The following TYW1 variants were observed in gnomAD, a reference collection of about 807,000 sequenced individuals.
TYW1 encodes the protein tRNA-yW synthesizing protein 1 homolog.
TYW1 carries 46 observed loss-of-function variants against 96.2 expected under a neutral mutation model. The ratio of observed to expected loss-of-function variants is 0.48; its 90% CI spans 0.38 to 0.61. The LOEUF (loss-of-function observed/expected upper bound fraction) is 0.61, where lower values mean the gene tolerates loss of function less well. Ranked by LOEUF, TYW1 falls within the 20% of genes least tolerant of loss-of-function variation. The probability of loss-of-function intolerance (pLI) is 0.00; values close to 1 mark genes in which losing one functional copy is unlikely to be tolerated. For synonymous variants in TYW1, 274 were observed against 323.0 expected, an observed-to-expected ratio of 0.85 and a Z score of 1.63; for missense variants, 684 against 909.6, an observed-to-expected ratio of 0.75 and a Z score of 3.19.
chr7:67,137,918 C>A (rs34021613), intron 13 of TYW1, among the ~76,000 whole-genome samples: 4 of 152,302 alleles, frequency 2.6e-5, no homozygotes, highest in Admixed American at 6.5e-5. Flanking sequence ...GAGGCCCACA[C>A]TCTCACACCA....
At chr7:67,148,565 A>AC (rs1798683918) in intron 13 of TYW1, among the ~76,000 whole-genome samples, 1 of 151,168 alleles carries the variant, frequency 6.6e-6, no homozygotes, top group East Asian at 2.0e-4. Context: ...AGCTGGGACT[A>AC]CAGGCGCCTG....
rs763535799 is a variant in TYW1, at chr7:67,195,204, G to T, written c.1844G>T (p.Ser615Ile). 12 of 1,613,942 alleles carry T rather than the reference G, an allele frequency of 7.4e-6. No individual in the cohort carries two copies. The highest frequency in any genetic ancestry group is 1.0e-5 in the Non-Finnish European group (12 of 1,179,988). The stretch of plus-strand genomic sequence containing the variant: ...TACTGCGGAGAAAGTTCAGCAAGCA[G>T]TCTTACCATGGCCCACGTGCCCTGG... ...VTYCGESSASSLTMAHVPWHE... is the reference protein window; with the variant it reads ...VTYCGESSASILTMAHVPWHE... Residue 615 changes from serine to isoleucine, a missense_variant, in exon 15 of 16, where the codon AGT (serine) becomes ATT (isoleucine). By Grantham distance (142) the Ser-to-Ile change is moderately radical (BLOSUM62 -2). Transcript: ENST00000359626.
rs561743826 is a variant in TYW1 at position 67,035,270 on chromosome 7, C to T, written c.984+10248C>T. ...AGTAGCTGGGATTACAGGTGCATGC[C>T]ACCATGCACAACTAATTTGTATTTT... On this transcript the variant is annotated intron_variant, in intron 7 of 15. Transcript: ENST00000359626. 9.9e-5 allele frequency among the ~76,000 whole-genome samples: 15 copies of T among 152,146 alleles called. No homozygotes were observed. The East Asian group carries it at 2.3e-3, about 23-fold the overall frequency.
intron 11 of TYW1, among the ~76,000 whole-genome samples, chr7:67,092,805 C>T (rs969156670): frequency 1.3e-4 from 20 of 150,894 alleles, no homozygotes; most frequent in Admixed American, 8.0e-4. Context: ...GGCTCAGCCT[C>T]CCGAATAGCT....
At chr7:67,089,943 G>A (rs1397694204) in intron 11 of TYW1, among the ~76,000 whole-genome samples, 1 of 152,098 alleles carries the variant, frequency 6.6e-6, no homozygotes, top group Non-Finnish European at 1.5e-5. Flanking sequence ...TGGGGCTGAG[G>A]TTTCTTTAGC....
intron 15 of TYW1, among the ~76,000 whole-genome samples, chr7:67,213,706 G>A (rs7791848): frequency 0.15 from 23,272 of 152,212 alleles, 1,933 homozygotes; most frequent in African/African-American, 0.2. Flanking sequence ...AGTTAGATCT[G>A]TATCTAGATT....
intron 15 of TYW1, among the ~76,000 whole-genome samples, chr7:67,232,416 T>TG (rs1801776177): frequency 1.3e-5 from 2 of 151,776 alleles, no homozygotes; most frequent in South Asian, 4.2e-4. Flanking sequence ...GGTGCACACC[T>TG]GTAATCCCAG....
At chr7:67,122,116 A>G (rs187062416) in intron 13 of TYW1, among the ~76,000 whole-genome samples, 1 of 152,114 alleles carries the variant, frequency 6.6e-6, no homozygotes, top group Non-Finnish European at 1.5e-5. Flanking sequence ...GCCAAGGTCA[A>G]GATCCAGTAG....
intron 3 of TYW1, among the ~76,000 whole-genome samples, chr7:67,005,569 C>G (rs1485885938): frequency 6.6e-6 from 1 of 152,252 alleles, no homozygotes; most frequent in African/African-American, 2.4e-5. Flanking sequence ...GCACTTCAGC[C>G]TGGGTGACAG....
intron 13 of TYW1, among the ~76,000 whole-genome samples, chr7:67,161,417 G>T (rs1215124981): frequency 6.6e-6 from 1 of 152,226 alleles, no homozygotes; most frequent in South Asian, 2.1e-4. Context: ...TGTTCTAATT[G>T]TAGATTAGGT....
chr7:67,190,936 A>G (rs1800186257), intron 14 of TYW1, among the ~76,000 whole-genome samples: 1 of 152,134 alleles, frequency 6.6e-6, no homozygotes, highest in Admixed American at 6.6e-5. Context: ...TCCCAAGGCA[A>G]ACTCTCCAAG....
intron 6 of TYW1, among the ~76,000 whole-genome samples, chr7:67,018,431 C>T (rs527959347): frequency 6.6e-6 from 1 of 151,724 alleles, no homozygotes; most frequent in Non-Finnish European, 1.5e-5. Context: ...GTCTCAGCTA[C>T]GTAGGAGGTG....
Position 67,063,110 on chromosome 7 carries a change from A to G in TYW1, c.1156-4175A>G, listed in dbSNP as rs1372891755. 3.3e-5 allele frequency among the ~76,000 whole-genome samples: 5 copies of G among 152,246 alleles called. No individual in the cohort carries two copies. In the East Asian group the frequency reaches 9.6e-4, roughly 29 times the overall value. ...GAATTATATGCCATAACCAAGTGGA[A>G]TTTTTCCCAGGTATGCAAGGCAGGT... is the stretch of plus-strand genomic sequence containing the variant. On this transcript the variant is annotated intron_variant, in intron 9 of 15. Transcript: ENST00000359626.
chr7:67,086,650 T>C (rs1796555879), intron 11 of TYW1, among the ~76,000 whole-genome samples: 1 of 152,224 alleles, frequency 6.6e-6, no homozygotes, highest in African/African-American at 2.4e-5. Context: ...TCCTTCTTGC[T>C]TGGAACAGGT....
chr7:67,033,698 CTTT>C (rs576428706), intron 7 of TYW1, among the ~76,000 whole-genome samples: 2 of 141,426 alleles, frequency 1.4e-5, no homozygotes, highest in Non-Finnish European at 1.5e-5. Flanking sequence ...CTGGGGGACC[CTTT>C]TTTTTTTTTT....
rs1584441756 is a variant in TYW1 at position 66,996,876 on chromosome 7, C to G, written c.-103C>G. On this transcript the variant is annotated 5_prime_UTR_variant, in exon 1 of 16. It introduces an in-frame stop codon into an upstream open reading frame of the 5' UTR. Transcript: ENST00000359626. The stretch of plus-strand genomic sequence containing the variant: ...CCCACAGGTCTGCAGGCACTCGGTA[C>G]GCCGCTAACGCGGCGAGGTAGCTCG... 2.5e-6 allele frequency: 4 copies of G among 1,588,404 alleles called. No individual in the cohort carries two copies. Among genetic ancestry groups the G allele is most frequent in the Non-Finnish European group, 3.4e-6 (4 of 1,166,864 alleles).
intron 11 of TYW1, among the ~76,000 whole-genome samples, chr7:67,096,873 G>A (rs1584555920): frequency 6.6e-6 from 1 of 152,144 alleles, no homozygotes; most frequent in South Asian, 2.1e-4. Flanking sequence ...TTTTAGGACA[G>A]CATATCTTGT....
At chr7:67,096,185 C>G (rs1401402218) in intron 11 of TYW1, among the ~76,000 whole-genome samples, 1 of 152,154 alleles carries the variant, frequency 6.6e-6, no homozygotes, top group Non-Finnish European at 1.5e-5. Flanking sequence ...GTCAGGAGAT[C>G]GAGACCATCC....
intron 14 of TYW1, 84 bp from the exon 15 acceptor site, chr7:67,195,086 G>A: frequency 6.6e-7 from 1 of 1,515,522 alleles, no homozygotes; most frequent in South Asian, 1.3e-5. Flanking sequence ...TTGACCTCAA[G>A]AAGGTTTTCC....
Sources: gnomAD v4.1 joint callset for allele counts (sites outside exome capture counted in the v4.1 genomes callset) on GRCh38, gnomAD v4.1.1 for gene constraint, MANE v1.5 for transcripts, NCBI Gene and HGNC (gene_info 2026-07-23, HGNC 2026-07-21) for gene names.